Variants in SNRPB2 observed in about 807,000 individuals in gnomAD.
SNRPB2 encodes the protein small nuclear ribonucleoprotein polypeptide B2.
In SNRPB2, 16 loss-of-function variants were observed where a neutral mutation model predicts 26.3. That is an observed-to-expected ratio of 0.61 (90% CI 0.41 to 0.92). The LOEUF (loss-of-function observed/expected upper bound fraction) is 0.92, where lower values mean the gene tolerates loss of function less well. Ranked by LOEUF, SNRPB2 falls within the 40% of genes least tolerant of loss-of-function variation. The probability of loss-of-function intolerance (pLI) is 0.00; values close to 1 mark genes in which losing one functional copy is unlikely to be tolerated. For missense variants in SNRPB2, 179 were observed against 268.1 expected, an observed-to-expected ratio of 0.67 and a Z score of 2.32; for synonymous variants, 75 against 89.0, an observed-to-expected ratio of 0.84 and a Z score of 0.88.
chr20:16,731,725 C>A lies in SNRPB2; in HGVS notation c.23C>A (p.Thr8Lys), dbSNP rs1287802668. Residue 8 changes from threonine to lysine, a missense_variant, in exon 2 of 7, where the codon ACA becomes AAA. Thr to Lys is a moderately conservative substitution (Grantham distance 78). This residue lies in a region of SNRPB2 where 145 missense variants were observed against 180.7 expected (regional missense o/e 0.80). Transcript: ENST00000246071. ...AACATGGATATCAGACCAAATCATA[C>A]AATTTATATCAACAATATGAATGAC... Reference protein sequence around the residue: MDIRPNHTIYINNMNDKI... With the variant: MDIRPNHKIYINNMNDKI... 1 of 1,612,088 alleles carries A rather than the reference C, an allele frequency of 6.2e-7. No individual in the cohort carries two copies. Among genetic ancestry groups the A allele is most frequent in the Admixed American group, 1.7e-5 (1 of 59,742 alleles).
chr20:16,734,601 C>T (rs1317757213), intron 3 of SNRPB2, among the ~76,000 whole-genome samples: 6 of 152,136 alleles, frequency 3.9e-5, no homozygotes, highest in South Asian at 2.1e-4. Context: ...GTTTCTCAAC[C>T]CTGTCACTTT....
chr20:16,735,360 A>G (rs1187293487), intron 3 of SNRPB2, among the ~76,000 whole-genome samples: 1 of 147,602 alleles, frequency 6.8e-6, no homozygotes, highest in African/African-American at 2.6e-5. Flanking sequence ...TTGATCAGAG[A>G]GGCAATAATT....
chr20:16,737,132 A>T, intron 3 of SNRPB2, 129 bp from the exon 4 acceptor site: 1 of 657,368 alleles, frequency 1.5e-6, no homozygotes, highest in East Asian at 3.1e-5. Flanking sequence ...GTATATTCTG[A>T]CAGATTTTCT....
At chr20:16,730,955 C>T (rs1316349526) in intron 1 of SNRPB2, 1 of 152,236 alleles carries the variant, frequency 6.6e-6, no homozygotes, top group Non-Finnish European at 1.5e-5. Flanking sequence ...TGATGCAGAA[C>T]TGTGCTAGAA....
At chr20:16,738,990 A>T in intron 5 of SNRPB2, 88 bp downstream of exon 5, 2 of 855,012 alleles carry the variant, frequency 2.3e-6, no homozygotes. Context: ...GTCTCCAAAA[A>T]CAAAATGATT....
At chr20:16,736,444 A>G (rs2072426605) in intron 3 of SNRPB2, among the ~76,000 whole-genome samples, 1 of 152,180 alleles carries the variant, frequency 6.6e-6, no homozygotes. Context: ...ACGATGCAAA[A>G]AAGTTTTATT....
chr20:16,732,409 G>A, intron 3 of SNRPB2, 73 bp downstream of exon 3: 1 of 791,770 alleles, frequency 1.3e-6, no homozygotes, highest in South Asian at 1.9e-5. Context: ...TTGTAAATAT[G>A]CTTGAAACTG....
rs1314113603 is a variant in SNRPB2, at chr20:16,737,404, A to G, written c.378+3A>G. 5 of 1,573,550 alleles carry G rather than the reference A, an allele frequency of 3.2e-6. 1 individual carries two copies. The highest frequency in any genetic ancestry group is 2.4e-5 in the South Asian group (2 of 83,000). On this transcript the variant is annotated splice_donor_region_variant and intron_variant, in intron 4 of 6. Transcript: ENST00000246071. The stretch of plus-strand genomic sequence containing the variant: ...CCACAAACAAAAAGCCTGGCCAGGT[A>G]AGAAAGACCAAGAAAGTTCCTGTTT...
rs372918040 is a variant in SNRPB2 at position 16,731,683 on chromosome 20, C to T, written c.-20C>T. The stretch of plus-strand genomic sequence containing the variant: ...TTTATAACAGATTTTTTACTGTCTC[C>T]TGAAGAATTTAACACAAACATGGAT... On this transcript the variant is annotated 5_prime_UTR_variant, in exon 2 of 7. Coordinates refer to ENST00000246071, the MANE Select transcript of SNRPB2 (RefSeq NM_003092.5). 3.1e-6 allele frequency: 5 copies of T among 1,610,924 alleles called. No individual in the cohort carries two copies. Among genetic ancestry groups the T allele is most frequent in the Non-Finnish European group, 4.2e-6 (5 of 1,178,322 alleles).
intron 2 of SNRPB2, 58 bp downstream of exon 2, chr20:16,731,824 T>G (rs1398581358): frequency 4.0e-5 from 64 of 1,602,784 alleles, no homozygotes; most frequent in Non-Finnish European, 4.8e-5. Context: ...ACTACTGTCT[T>G]AAAAATTGTA....
At chr20:16,733,495 T>C (rs2072406193) in intron 3 of SNRPB2, among the ~76,000 whole-genome samples, 1 of 152,240 alleles carries the variant, frequency 6.6e-6, no homozygotes, top group African/African-American at 2.4e-5. Flanking sequence ...TATAGTAATA[T>C]AACCAGTGGC....
intron 3 of SNRPB2, among the ~76,000 whole-genome samples, chr20:16,732,659 C>T (rs933970635): frequency 3.9e-5 from 6 of 152,098 alleles, no homozygotes; most frequent in South Asian, 2.1e-4. Context: ...TAAAACATTA[C>T]GAAACAAAAG....
intron 3 of SNRPB2, among the ~76,000 whole-genome samples, chr20:16,736,700 C>T (rs1284285215): frequency 1.3e-5 from 2 of 152,120 alleles, no homozygotes; most frequent in African/African-American, 4.8e-5. Flanking sequence ...TAGGTGCTCC[C>T]TCTGTGACTG....
chr20:16,738,850 A>G lies in SNRPB2; in HGVS notation c.379-2A>G. On this transcript the variant is annotated splice_acceptor_variant, in intron 4 of 6. Coordinates refer to ENST00000246071, the MANE Select transcript of SNRPB2 (RefSeq NM_003092.5). LOFTEE classifies it high-confidence loss of function. ...TAAACTCTCCCTATTTATTTTGCTT[A>G]GGGAACTCCAAATTCAGCTAATACC... The G allele has an allele frequency of 6.3e-7, 1 of 1,585,002 alleles. No homozygotes were observed.
In SNRPB2 at chr20:16,741,648, G is replaced by T. The variant is rs1395556711; in HGVS notation, c.*643G>T. 6.6e-6 allele frequency: 1 copy of T among 152,124 alleles called. No homozygotes were observed. The highest frequency in any genetic ancestry group is 1.5e-5 in the Non-Finnish European group (1 of 68,012). 9.4% of individuals were successfully genotyped at this position (152,124 alleles called of 1,614,324 possible). A position where few individuals can be genotyped will look rare whatever the true frequency, so the allele number is the denominator to read the frequency against. On this transcript the variant is annotated 3_prime_UTR_variant, in exon 7 of 7. Coordinates refer to ENST00000246071, the MANE Select transcript of SNRPB2 (RefSeq NM_003092.5). ...CATTTAATGCTGTTTCCTTCATGAG[G>T]CAGGACTGTTCTAAGGTTAATATGC...
chr20:16,730,732 A>G (rs1340414095), intron 1 of SNRPB2: 1 of 152,268 alleles, frequency 6.6e-6, no homozygotes, highest in Admixed American at 6.5e-5. Context: ...AGATAAAGGA[A>G]TATGTGGGGC....
chr20:16,739,029 G>T (rs552362143), intron 5 of SNRPB2, 127 bp downstream of exon 5: 2 of 654,574 alleles, frequency 3.1e-6, no homozygotes, highest in East Asian at 2.8e-5. Flanking sequence ...GCGTTAAATT[G>T]TCTGCCACTG....
Position 16,732,158 on chromosome 20 carries a change from G to A in SNRPB2, c.65-6G>A. ...CAATAACTTGTTTCTTTTCTAATTTGGACAGAATTGAAGAGATCCCTATAT... is the reference window on the plus strand; with the variant it reads ...CAATAACTTGTTTCTTTTCTAATTTAGACAGAATTGAAGAGATCCCTATAT... On this transcript the variant is annotated splice_region_variant and splice_polypyrimidine_tract_variant and intron_variant, in intron 2 of 6. Coordinates refer to ENST00000246071, the MANE Select transcript of SNRPB2 (RefSeq NM_003092.5). 6.5e-7 allele frequency: 1 copy of A among 1,544,094 alleles called. No individual in the cohort carries two copies. Among genetic ancestry groups the A allele is most frequent in the South Asian group, 1.2e-5 (1 of 82,018 alleles).
chr20:16,740,179 C>T, intron 5 of SNRPB2, 146 bp from the exon 6 acceptor site: 1 of 1,410,254 alleles, frequency 7.1e-7, no homozygotes. Flanking sequence ...GAATGTCTGC[C>T]TTGCTTAGTT....
Sources: allele counts gnomAD v4.1 joint callset (sites outside exome capture counted in the v4.1 genomes callset), GRCh38; gene constraint gnomAD v4.1.1; regional missense constraint gnomAD v4.1.1; transcripts MANE v1.5; gene names NCBI Gene and HGNC (gene_info 2026-07-23, HGNC 2026-07-21).